The following SYNRG variants were observed in gnomAD, a reference collection of about 807,000 sequenced individuals.
SYNRG encodes the protein AP1 gamma subunit binding protein 1.
Under a neutral mutation model 130.9 loss-of-function variants are expected in SYNRG, and 37 were observed. The observed-to-expected ratio is 0.28, with a 90% CI of 0.22 to 0.37. The LOEUF (loss-of-function observed/expected upper bound fraction) is 0.37. SYNRG is among the 10% of genes least tolerant of loss of function. The pLI, the probability that SYNRG is intolerant of heterozygous loss-of-function variation, is 1.00. For missense variants in SYNRG, 1,338 were observed against 1,588.9 expected, an observed-to-expected ratio of 0.84 and a Z score of 2.68; for synonymous variants, 539 against 568.1, an observed-to-expected ratio of 0.95 and a Z score of 0.73.
At chr17:37,569,054 G>T in intron 10 of SYNRG, 130 bp from the exon 11 acceptor site, 2 of 911,760 alleles carry the variant, frequency 2.2e-6, no homozygotes, top group Non-Finnish European at 3.3e-6. Flanking sequence ...AGTGCTTACG[G>T]CAGGAATCCT....
intron 14 of SYNRG, among the ~76,000 whole-genome samples, chr17:37,543,329 A>C (rs2057951629): frequency 6.6e-6 from 1 of 152,198 alleles, no homozygotes; most frequent in African/African-American, 2.4e-5. Flanking sequence ...TTTTAAAAAA[A>C]AAGGAAAGAA....
At chr17:37,595,141 T>C (rs1185336948) in intron 3 of SYNRG, among the ~76,000 whole-genome samples, 1 of 152,202 alleles carries the variant, frequency 6.6e-6, no homozygotes, top group African/African-American at 2.4e-5. Flanking sequence ...TTTCAATGTA[T>C]TCCCTTCCTT....
intron 8 of SYNRG, among the ~76,000 whole-genome samples, chr17:37,572,814 T>G (rs1194715347): frequency 6.6e-6 from 1 of 152,000 alleles, no homozygotes; most frequent in Non-Finnish European, 1.5e-5. Flanking sequence ...AGTTGGTGAG[T>G]TTTTGACAAT....
rs115098001 is a variant in SYNRG at position 37,587,546 on chromosome 17, T to G, written c.241-997A>C. On this transcript the variant is annotated intron_variant, in intron 3 of 21. Transcript: ENST00000612223. The stretch of plus-strand genomic sequence containing the variant: ...CTAAACCTTTTCTCTTCTCTCTACC[T>G]TCAAAAACCTGAATACATTTTAATT... Among the ~76,000 whole-genome samples the G allele has an allele frequency of 6.6e-3, 1,006 of 152,302 alleles. 10 individuals carry two copies. The highest frequency in any genetic ancestry group is 0.022 in the African/African-American group (898 of 41,560).
intron 13 of SYNRG, among the ~76,000 whole-genome samples, chr17:37,554,568 G>A (rs958508198): frequency 6.6e-6 from 1 of 152,150 alleles, no homozygotes; most frequent in Admixed American, 6.5e-5. Flanking sequence ...GTTTAGCCAG[G>A]CACTTTAAGA....
Position 37,517,831 on chromosome 17 carries a change from G to C in SYNRG, c.*1109C>G, listed in dbSNP as rs2054543177. ...AATAACACAGCTCTTAGCCACTTGG[G>C]TTTTTCCCCTAATTTTATGCATTCA... On this transcript the variant is annotated 3_prime_UTR_variant, in exon 22 of 22. Transcript: ENST00000612223. 1 of 152,028 alleles carries C rather than the reference G, an allele frequency of 6.6e-6. No individual in the cohort carries two copies. The highest frequency in any genetic ancestry group is 2.1e-4 in the South Asian group (1 of 4,824). The allele number at this position is 152,028 out of a possible 1,614,324, so 9.4% of individuals were successfully genotyped here. A position where few individuals can be genotyped will look rare whatever the true frequency, so the allele number is the denominator to read the frequency against.
At chr17:37,594,502 G>A (rs188591931) in intron 3 of SYNRG, among the ~76,000 whole-genome samples, 15 of 136,366 alleles carry the variant, frequency 1.1e-4, no homozygotes, top group African/African-American at 2.2e-4. Flanking sequence ...TCACTCTGTC[G>A]CCCAGGCGGG....
chr17:37,532,254 G>A (rs1487233982), intron 19 of SYNRG, among the ~76,000 whole-genome samples: 2 of 152,194 alleles, frequency 1.3e-5, no homozygotes, highest in East Asian at 1.9e-4. Context: ...CACAGTCAGG[G>A]AGAAAGCATG....
At chr17:37,545,288 C>T (rs778114613) in intron 14 of SYNRG, among the ~76,000 whole-genome samples, 21 of 151,668 alleles carry the variant, frequency 1.4e-4, no homozygotes, top group African/African-American at 1.9e-4. Flanking sequence ...TGCAGCTACT[C>T]GGGAGGGTGA....
intron 2 of SYNRG, among the ~76,000 whole-genome samples, chr17:37,598,456 G>A (rs749532878): frequency 6.6e-6 from 1 of 152,114 alleles, no homozygotes; most frequent in Non-Finnish European, 1.5e-5. Context: ...TTATTTCTTT[G>A]GACTTAAAGT....
rs943067871 is a variant in SYNRG at position 37,541,273 on chromosome 17, T to A, written c.3202+699A>T. On this transcript the variant is annotated intron_variant, in intron 15 of 21. Transcript: ENST00000612223. ...ACGACCCCTCCTGTCAGGATGAGAT[T>A]AAAGCAGAAGAGGCAAACTCAAATG... The A allele has an allele frequency of 7.1e-6, 7 of 985,204 alleles. No individual in the cohort carries two copies. The Admixed American group carries it at 4.3e-4, about 61-fold the overall frequency. 61.0% of individuals were successfully genotyped at this position (985,204 alleles called of 1,614,324 possible).
intron 6 of SYNRG, among the ~76,000 whole-genome samples, chr17:37,579,701 AT>A (rs2061135156): frequency 6.6e-6 from 1 of 152,178 alleles, no homozygotes; most frequent in Non-Finnish European, 1.5e-5. Context: ...CTAAAAATAC[AT>A]GTATCTATTC....
intron 13 of SYNRG, among the ~76,000 whole-genome samples, chr17:37,560,599 A>C (rs1032705881): frequency 2.0e-5 from 3 of 151,782 alleles, no homozygotes; most frequent in Non-Finnish European, 4.4e-5. Context: ...TCGGCCTCCC[A>C]AAGTGCTGGG....
Position 37,536,015 on chromosome 17 carries a change from A to G in SYNRG, c.3630T>C (p.Asn1210=). ...CGAGTGACATGAAGCCGATTAGGTT[A>G]TTCCATACTTTATCGATGTCCTTCA... The part of the protein sequence containing the change: ...QLLKDIDKVW[N]NLIGFMSLAT... The change falls in exon 19 of 22, where the codon AAT becomes AAC. Residue 1210 remains asparagine, a synonymous_variant. Transcript: ENST00000612223. The G allele has an allele frequency of 1.9e-6, 3 of 1,614,056 alleles. No homozygotes were observed. The highest frequency in any genetic ancestry group is 2.5e-6 in the Non-Finnish European group (3 of 1,179,966).
intron 3 of SYNRG, among the ~76,000 whole-genome samples, chr17:37,594,220 T>G (rs1230456323): frequency 6.9e-6 from 1 of 144,658 alleles, no homozygotes; most frequent in Admixed American, 6.9e-5. Flanking sequence ...TATTAATTAT[T>G]TTAATTATAT....
At chr17:37,594,814 C>G (rs1305037582) in intron 3 of SYNRG, among the ~76,000 whole-genome samples, 1 of 152,150 alleles carries the variant, frequency 6.6e-6, no homozygotes, top group Non-Finnish European at 1.5e-5. Context: ...TTACATTCGT[C>G]CTGGTATATT....
intron 19 of SYNRG, among the ~76,000 whole-genome samples, chr17:37,522,899 A>G (rs2055318593): frequency 6.6e-6 from 1 of 152,090 alleles, no homozygotes; most frequent in Non-Finnish European, 1.5e-5. Context: ...TTGGCCTCCC[A>G]AAGTGCTGGG....
chr17:37,568,516 C>A (rs568777254), intron 11 of SYNRG: 4 of 310,466 alleles, frequency 1.3e-5, no homozygotes, highest in Middle Eastern at 9.4e-4. Flanking sequence ...CATCACTGCA[C>A]AGGTGATCTT....
chr17:37,609,056 T>C (rs1483578357), intron 1 of SYNRG, among the ~76,000 whole-genome samples: 1 of 116,838 alleles, frequency 8.6e-6, no homozygotes, highest in African/African-American at 3.3e-5. Context: ...CGCTCCCCGC[T>C]CGATTCCAGG....
Sources: gnomAD v4.1 joint callset for allele counts (sites outside exome capture counted in the v4.1 genomes callset) on GRCh38, gnomAD v4.1.1 for gene constraint, MANE v1.5 for transcripts, NCBI Gene and HGNC (gene_info 2026-07-23, HGNC 2026-07-21) for gene names.